The following LAPTM4B variants were observed in gnomAD, a reference collection of about 807,000 sequenced individuals.
LAPTM4B encodes the protein lysosomal-associated transmembrane protein 4B.
In LAPTM4B, 26 loss-of-function variants were observed where a neutral mutation model predicts 28.5. The ratio of observed to expected loss-of-function variants is 0.91; its 90% CI spans 0.67 to 1.27. The LOEUF (loss-of-function observed/expected upper bound fraction) is 1.27. LAPTM4B is among the 50% of genes most tolerant of loss of function. LAPTM4B has a pLI of 0.00. For synonymous variants in LAPTM4B, 109 were observed against 106.4 expected, an observed-to-expected ratio of 1.02 and a Z score of -0.15; for missense variants, 288 against 285.8, an observed-to-expected ratio of 1.01 and a Z score of -0.06.
intron 6 of LAPTM4B, among the ~76,000 whole-genome samples, chr8:97,830,863 A>T (rs1440970143): frequency 6.6e-6 from 1 of 152,128 alleles, no homozygotes; most frequent in Non-Finnish European, 1.5e-5. Context: ...TTGGCAGCTC[A>T]GCGGATTTCA....
rs1563596436 is a variant in LAPTM4B at position 97,775,885 on chromosome 8, A to G, written c.-125A>G. The G allele has an allele frequency of 2.0e-6, 3 of 1,465,876 alleles. No homozygotes were observed. Among genetic ancestry groups the G allele is most frequent in the Admixed American group, 2.4e-5 (1 of 41,608 alleles). The allele number at this position is 1,465,876 out of a possible 1,614,324, so 90.8% of individuals were successfully genotyped here. A position where few individuals can be genotyped will look rare whatever the true frequency, so the allele number is the denominator to read the frequency against. Reference sequence around the variant, plus strand: ...ATCGAGGAGGCAGGCCCGCGGGCGCACGGGCGAGCGGGCCGGGAGCCGGAG... The same window carrying G: ...ATCGAGGAGGCAGGCCCGCGGGCGCGCGGGCGAGCGGGCCGGGAGCCGGAG... On this transcript the variant is annotated 5_prime_UTR_variant, in exon 1 of 7. Transcript: ENST00000521545.
rs1242700539 is a variant in LAPTM4B, at chr8:97,851,475, G to A, written c.*1G>A. The A allele has an allele frequency of 1.9e-6, 3 of 1,612,556 alleles. No homozygotes were observed. Among genetic ancestry groups the A allele is most frequent in the East Asian group, 4.5e-5 (2 of 44,876 alleles). Reference sequence around the variant, plus strand: ...ACCGCCACCTTACGTGTCTGCCTAAGCCTTCAAGTGGGCGGAGCTGAGGGC... The same window carrying A: ...ACCGCCACCTTACGTGTCTGCCTAAACCTTCAAGTGGGCGGAGCTGAGGGC... On this transcript the variant is annotated 3_prime_UTR_variant, in exon 7 of 7. Coordinates refer to ENST00000521545, the MANE Select transcript of LAPTM4B (RefSeq NM_018407.6).
At chr8:97,776,692 C>T (rs1816224496) in intron 1 of LAPTM4B, among the ~76,000 whole-genome samples, 1 of 151,214 alleles carries the variant, frequency 6.6e-6, no homozygotes, top group Admixed American at 6.6e-5. Context: ...TGAATGGGTC[C>T]CCCCCCCGAT....
At chr8:97,816,014 T>C in intron 3 of LAPTM4B, 44 bp from the exon 4 acceptor site, 2 of 1,509,228 alleles carry the variant, frequency 1.3e-6, no homozygotes, top group South Asian at 1.3e-5. Flanking sequence ...AATATTGTTT[T>C]ATAATATTGA....
chr8:97,839,360 AT>A (rs1037627564), intron 6 of LAPTM4B, among the ~76,000 whole-genome samples: 2 of 151,710 alleles, frequency 1.3e-5, no homozygotes, highest in Non-Finnish European at 2.9e-5. Context: ...TGCCTGGCTA[AT>A]TTTGTATTTT....
chr8:97,800,416 T>G (rs1466531056), intron 1 of LAPTM4B, among the ~76,000 whole-genome samples: 2 of 151,936 alleles, frequency 1.3e-5, no homozygotes. Context: ...AGGTATTTTA[T>G]GTATATTCAC....
At chr8:97,802,249 C>T (rs1233440700) in intron 1 of LAPTM4B, among the ~76,000 whole-genome samples, 4 of 152,012 alleles carry the variant, frequency 2.6e-5, no homozygotes, top group African/African-American at 7.3e-5. Flanking sequence ...TTGGACTGCT[C>T]GACTGATAAT....
intron 1 of LAPTM4B, among the ~76,000 whole-genome samples, chr8:97,790,973 C>T (rs114882573): frequency 0.014 from 2,102 of 152,240 alleles, 52 homozygotes; most frequent in African/African-American, 0.046. Flanking sequence ...GGTGCAATCA[C>T]GCCTCATTGC....
intron 6 of LAPTM4B, among the ~76,000 whole-genome samples, chr8:97,831,017 G>C (rs1817176380): frequency 6.6e-6 from 1 of 152,184 alleles, no homozygotes; most frequent in Non-Finnish European, 1.5e-5. Context: ...CTCAAATTTG[G>C]AGGAGAGCAA....
chr8:97,838,876 A>G (rs903581453), intron 6 of LAPTM4B, among the ~76,000 whole-genome samples: 9 of 152,204 alleles, frequency 5.9e-5, no homozygotes, highest in African/African-American at 2.2e-4. Flanking sequence ...GGGGCGGAAG[A>G]AAAAGAAAGG....
chr8:97,807,785 A>C (rs1008863483), intron 2 of LAPTM4B, among the ~76,000 whole-genome samples: 3 of 152,076 alleles, frequency 2.0e-5, no homozygotes, highest in Admixed American at 6.6e-5. Context: ...TAGTGAAGTA[A>C]ACAGAGAACC....
At chr8:97,790,352 G>T (rs916435588) in intron 1 of LAPTM4B, among the ~76,000 whole-genome samples, 4 of 149,710 alleles carry the variant, frequency 2.7e-5, no homozygotes, top group Non-Finnish European at 5.9e-5. Flanking sequence ...TCACTCTGTC[G>T]CCAGGCTGGA....
chr8:97,826,793 G>A (rs1817097827), intron 6 of LAPTM4B, among the ~76,000 whole-genome samples: 1 of 152,218 alleles, frequency 6.6e-6, no homozygotes, highest in African/African-American at 2.4e-5. Flanking sequence ...ACAGATGTGA[G>A]CCACTGTGCC....
chr8:97,802,817 A>G (rs554289541), intron 1 of LAPTM4B, among the ~76,000 whole-genome samples: 2 of 152,178 alleles, frequency 1.3e-5, no homozygotes, highest in South Asian at 4.1e-4. Context: ...ATGTATATGT[A>G]TACTCTGGGA....
At chr8:97,821,325 C>CAA (rs35900717) in intron 5 of LAPTM4B, among the ~76,000 whole-genome samples, 21 of 150,084 alleles carry the variant, frequency 1.4e-4, no homozygotes, top group East Asian at 1.0e-3. Flanking sequence ...GACTCCATCT[C>CAA]AAAAAAAAAT....
Position 97,850,350 on chromosome 8 carries a change from T to A in LAPTM4B, c.604-1047T>A, listed in dbSNP as rs147398876. 4.9e-3 allele frequency among the ~76,000 whole-genome samples: 747 copies of A among 151,826 alleles called. 26 individuals are homozygous for A. The highest frequency in any genetic ancestry group is 0.017 in the African/African-American group (686 of 41,122). ...GTCACTCCGCAAACATCTGAGTTCC[T>A]GCTGTCGGATAGGCACTGGCCCACC... On this transcript the variant is annotated intron_variant, in intron 6 of 6. Transcript: ENST00000521545.
intron 6 of LAPTM4B, among the ~76,000 whole-genome samples, chr8:97,836,034 G>A (rs1161185054): frequency 6.6e-6 from 1 of 152,078 alleles, no homozygotes; most frequent in Non-Finnish European, 1.5e-5. Flanking sequence ...TGCTTGATCT[G>A]GGGTGGAAGA....
intron 2 of LAPTM4B, among the ~76,000 whole-genome samples, chr8:97,812,237 T>TTTAGTCG (rs1816844659): frequency 7.0e-6 from 1 of 142,008 alleles, no homozygotes; most frequent in Non-Finnish European, 1.5e-5. Flanking sequence ...GTTTTTTTTT[T>TTTAGTCG]GAGTCGGAGT....
intron 1 of LAPTM4B, among the ~76,000 whole-genome samples, chr8:97,781,802 C>G (rs193098889): frequency 6.3e-4 from 96 of 152,256 alleles, no homozygotes; most frequent in Middle Eastern, 3.4e-3. Context: ...AGCATAACTT[C>G]TTTTAGATTC....
Sources: allele counts gnomAD v4.1 joint callset (sites outside exome capture counted in the v4.1 genomes callset), GRCh38; gene constraint gnomAD v4.1.1; transcripts MANE v1.5; gene names NCBI Gene and HGNC (gene_info 2026-07-23, HGNC 2026-07-21).